ZNF136: variants seen among roughly 807,000 people sequenced by gnomAD.
ZNF136 encodes the protein zinc finger protein 136, also known as zinc finger protein 136 (clone pHZ-20).
ZNF136 carries 8 observed loss-of-function variants against 11.4 expected under a neutral mutation model. The observed-to-expected ratio is 0.70, with a 90% confidence interval of 0.41 to 1.27. The LOEUF is 1.27. Ranked by LOEUF, ZNF136 falls within the 50% of genes most tolerant of loss-of-function variation. The pLI is 0.01. For missense variants in ZNF136, 590 were observed against 656.5 expected (o/e 0.90, Z 1.11); for synonymous variants, 190 against 207.1 (o/e 0.92, Z 0.71).
Position 12,187,162 on chromosome 19 carries a change from C to CA in ZNF136, c.785dup (p.His262GlnfsTer10). On this transcript the variant is annotated frameshift_variant, in exon 4 of 4. Transcript: ENST00000343979. LOFTEE classifies it low-confidence loss of function (END_TRUNC). ...ATGTAAGGTATGTGGGAAACCCTTT[C>CA]ATTCTCTGAGTTCATTTCAAGTGCA... 1 of 1,613,942 alleles carries CA rather than the reference C, an allele frequency of 6.2e-7. No homozygotes were observed. The highest frequency in any genetic ancestry group is 8.5e-7 in the Non-Finnish European group (1 of 1,179,978).
In ZNF136 at chr19:12,187,284, T is replaced by C. The variant is rs777611500; in HGVS notation, c.906T>C (p.His302=). ...SPTLRIHERT[H]TGEKPYECKQ... ...CCTTACGAATACATGAAAGAACCCA[T>C]ACTGGAGAGAAACCTTATGAATGCA... Residue 302 remains histidine (H), a synonymous_variant, in exon 4 of 4, where the codon CAT becomes CAC. Coordinates refer to ENST00000343979, the MANE Select transcript of ZNF136 (RefSeq NM_003437.5). 2 of 1,613,926 alleles carry C rather than the reference T, an allele frequency of 1.2e-6. No individual in the cohort carries two copies. Among genetic ancestry groups the C allele is most frequent in the Admixed American group, 1.7e-5 (1 of 59,996 alleles).
intron 1 of ZNF136, 97 bp from the exon 2 acceptor site, chr19:12,185,688 G>C: frequency 6.8e-7 from 1 of 1,476,980 alleles, no homozygotes; most frequent in East Asian, 2.3e-5. Context: ...AATGTTTGCA[G>C]ACCCCTGAAA....
chr19:12,185,176 G>C (rs1003497839), intron 1 of ZNF136: 1 of 152,208 alleles, frequency 6.6e-6, no homozygotes, highest in East Asian at 1.9e-4. Flanking sequence ...TCTAAGGAAG[G>C]AATGATAACT....
rs1915069819 is a variant in ZNF136, at chr19:12,185,975, T to C, written c.130+64T>C. On this transcript the variant is annotated intron_variant, in intron 2 of 3. Transcript: ENST00000343979. ...AGAAGTGCTTCTTGTGCAGTGATGC[T>C]GTTCCATGGTTTGCATCATGGAGGG... is the stretch of plus-strand genomic sequence containing the variant. The C allele has an allele frequency of 5.0e-6, 8 of 1,607,786 alleles. No individual in the cohort carries two copies. The South Asian group carries it at 8.9e-5, about 18-fold the overall frequency.
intron 1 of ZNF136, among the ~76,000 whole-genome samples, chr19:12,181,237 A>G (rs1914931930): frequency 6.6e-6 from 1 of 152,188 alleles, no homozygotes; most frequent in Admixed American, 6.5e-5. Flanking sequence ...GGGGTCCGAC[A>G]TGGCTGGAGG....
intron 1 of ZNF136, among the ~76,000 whole-genome samples, chr19:12,175,067 A>G (rs1914756527): frequency 6.6e-6 from 1 of 151,934 alleles, no homozygotes; most frequent in Non-Finnish European, 1.5e-5. Flanking sequence ...CATATTGACT[A>G]GCTCCAAGAC....
At position 12,188,198 on chromosome 19, in the gene ZNF136, T is replaced by G; in HGVS notation, c.*197T>G. 5 of 442,514 alleles carry G rather than the reference T, an allele frequency of 1.1e-5. No homozygotes were observed. The highest frequency in any genetic ancestry group is 3.9e-5 in the Admixed American group (1 of 25,870). The allele number at this position is 442,514 out of a possible 1,614,324, so 27.4% of individuals were successfully genotyped here. A position where few individuals can be genotyped will look rare whatever the true frequency, so the allele number is the denominator to read the frequency against. On this transcript the variant is annotated 3_prime_UTR_variant, in exon 4 of 4. Coordinates refer to ENST00000343979, the MANE Select transcript of ZNF136 (RefSeq NM_003437.5). ...GTTCCTTTCAAATACATGAAAGAAC[T>G]CATCATGGAGAAAACCAAACAAATG...
chr19:12,186,533 A>G (rs1915087802), intron 3 of ZNF136, 37 bp from the exon 4 acceptor site: 1 of 1,489,444 alleles, frequency 6.7e-7, no homozygotes, highest in Non-Finnish European at 9.1e-7. Context: ...TAAAATGATT[A>G]ACAAATCCTT....
In ZNF136 at chr19:12,173,352, T is replaced by C. The variant is rs73502032; in HGVS notation, c.3+10146T>C. Among the ~76,000 whole-genome samples, 1,522 of 152,292 alleles carry C rather than the reference T, an allele frequency of 1.0e-2. 30 individuals are homozygous for C. The highest frequency in any genetic ancestry group is 0.035 in the African/African-American group (1,440 of 41,542). On this transcript the variant is annotated intron_variant, in intron 1 of 3. Coordinates refer to ENST00000343979, the MANE Select transcript of ZNF136 (RefSeq NM_003437.5). ...GTGTTCCATACTTTTATCATTCCTA[T>C]TGAATGACGTCTGTATAAAACGCCA...
intron 1 of ZNF136, among the ~76,000 whole-genome samples, chr19:12,177,845 T>C (rs1037273061): frequency 3.9e-5 from 6 of 152,234 alleles, no homozygotes. Context: ...CAGTGGCTCA[T>C]GCCTATAATC....
chr19:12,181,559 G>A (rs1023862694), intron 1 of ZNF136, among the ~76,000 whole-genome samples: 16 of 151,094 alleles, frequency 1.1e-4, no homozygotes, highest in African/African-American at 3.2e-4. Flanking sequence ...TGCAATGTCC[G>A]CCTCCTGGAT....
In ZNF136 at chr19:12,187,313, A is replaced by C. The variant is rs1279423538; in HGVS notation, c.935A>C (p.Gln312Pro). Reference protein sequence around the residue: ...HTGEKPYECKQCGKAFSYLPS... With the variant: ...HTGEKPYECKPCGKAFSYLPS... The stretch of plus-strand genomic sequence containing the variant: ...GGAGAGAAACCTTATGAATGCAAGC[A>C]GTGTGGGAAGGCCTTCAGTTATCTC... Residue 312 changes from glutamine to proline, a missense_variant, in exon 4 of 4, where the codon CAG becomes CCG. Transcript: ENST00000343979. 1 of 1,614,156 alleles carries C rather than the reference A, an allele frequency of 6.2e-7. No homozygotes were observed. Among genetic ancestry groups the C allele is most frequent in the East Asian group, 2.2e-5 (1 of 44,868 alleles).
Position 12,186,793 on chromosome 19 carries a change from C to T in ZNF136, c.415C>T (p.Pro139Ser). 6.2e-7 allele frequency: 1 copy of T among 1,614,116 alleles called. No individual in the cohort carries two copies. The highest frequency in any genetic ancestry group is 1.3e-5 in the African/African-American group (1 of 75,040). The change falls in exon 4 of 4, where the codon CCA becomes TCA. Residue 139 changes from proline (P) to serine (S), a missense_variant. By Grantham distance (74) the Pro-to-Ser change is moderately conservative (BLOSUM62 -1). Coordinates refer to ENST00000343979, the MANE Select transcript of ZNF136 (RefSeq NM_003437.5). ...PKEYQEYGEK[P>S]DTRNQCWKPF... ...GGAATATCAGGAATATGGAGAGAAG[C>T]CAGATACACGTAACCAGTGTTGGAA...
At chr19:12,177,591 C>T (rs1363566923) in intron 1 of ZNF136, among the ~76,000 whole-genome samples, 2 of 152,202 alleles carry the variant, frequency 1.3e-5, no homozygotes, top group Non-Finnish European at 2.9e-5. Context: ...TCGTGATCCA[C>T]CTGTCTTGGC....
intron 1 of ZNF136, among the ~76,000 whole-genome samples, chr19:12,181,778 G>T (rs1238565400): frequency 2.0e-5 from 3 of 152,066 alleles, no homozygotes; most frequent in Non-Finnish European, 4.4e-5. Context: ...GGGACTACAG[G>T]CACCCACCAC....
intron 1 of ZNF136, among the ~76,000 whole-genome samples, chr19:12,175,196 ATTT>A (rs111509960): frequency 7.0e-6 from 1 of 142,926 alleles, no homozygotes; most frequent in Non-Finnish European, 1.5e-5. Flanking sequence ...TTTTCTTTCG[ATTT>A]TTTTTTTTTG....
intron 1 of ZNF136, among the ~76,000 whole-genome samples, chr19:12,168,979 G>A (rs113670659): frequency 1.5e-4 from 23 of 152,210 alleles, no homozygotes; most frequent in African/African-American, 5.5e-4. Context: ...AAACAAACTG[G>A]CAAACTTGTG....
intron 1 of ZNF136, among the ~76,000 whole-genome samples, chr19:12,164,129 A>G (rs1277937836): frequency 6.6e-6 from 1 of 152,120 alleles, no homozygotes; most frequent in African/African-American, 2.4e-5. Context: ...ATGCCCTGGG[A>G]CTAGGATAAA....
intron 1 of ZNF136, among the ~76,000 whole-genome samples, chr19:12,168,142 G>A (rs953551618): frequency 2.3e-5 from 3 of 130,094 alleles, no homozygotes; most frequent in African/African-American, 5.7e-5. Context: ...GCGCGATCCC[G>A]GCTCACTCTG....
Sources: gnomAD v4.1 joint callset for allele counts (sites outside exome capture counted in the v4.1 genomes callset) on GRCh38, gnomAD v4.1.1 for gene constraint, MANE v1.5 for transcripts, NCBI Gene and HGNC (gene_info 2026-07-23, HGNC 2026-07-21) for gene names.